Variants in BMP8B observed in about 807,000 individuals in gnomAD.
BMP8B encodes the protein bone morphogenetic protein 8b.
In BMP8B, 17 loss-of-function variants were observed where a neutral mutation model predicts 30.3. That is an observed-to-expected ratio of 0.56 (90% CI 0.38 to 0.84). The LOEUF (loss-of-function observed/expected upper bound fraction) is 0.84, where lower values mean the gene tolerates loss of function less well. Among genes scored for constraint, BMP8B ranks in the 40% least tolerant of loss-of-function variants. The probability of loss-of-function intolerance (pLI) is 0.00; values close to 1 mark genes in which losing one functional copy is unlikely to be tolerated. For missense variants in BMP8B, 253 were observed against 494.6 expected (o/e 0.51, Z 4.63); for synonymous variants, 131 against 214.7 (o/e 0.61, Z 3.41).
intron 1 of BMP8B, among the ~76,000 whole-genome samples, chr1:39,780,928 T>C (rs1650596820): frequency 6.6e-6 from 1 of 152,178 alleles, no homozygotes; most frequent in Admixed American, 6.5e-5. Context: ...TCCTTTGGCC[T>C]TGTTTGTCTC....
At chr1:39,778,055 G>A (rs1340484122) in intron 1 of BMP8B, among the ~76,000 whole-genome samples, 3 of 152,266 alleles carry the variant, frequency 2.0e-5, no homozygotes, top group Admixed American at 6.5e-5. Flanking sequence ...ACGGAGCCAC[G>A]TGGGTGGACA....
chr1:39,760,014 G>T lies in BMP8B; in HGVS notation c.*405C>A. On this transcript the variant is annotated 3_prime_UTR_variant, in exon 7 of 7. Transcript: ENST00000372827. ...CACACCCTGTGATGGATGGTGAAGA[G>T]CTCAAGGTGGCCAACAGTGGGCTCC... 1.7e-5 allele frequency: 4 copies of T among 236,938 alleles called. No homozygotes were observed. Among genetic ancestry groups the T allele is most frequent in the South Asian group, 1.3e-4 (2 of 15,700 alleles). 14.7% of individuals were successfully genotyped at this position (236,938 alleles called of 1,614,324 possible).
chr1:39,785,885 A>G (rs1650948863), intron 1 of BMP8B, among the ~76,000 whole-genome samples: 1 of 152,234 alleles, frequency 6.6e-6, no homozygotes, highest in South Asian at 2.1e-4. Context: ...TAGTGCAGTT[A>G]GCACAGCAGA....
intron 3 of BMP8B, chr1:39,770,125 G>C (rs1443596112): frequency 8.2e-7 from 1 of 1,216,394 alleles, no homozygotes; most frequent in Admixed American, 2.4e-5. Context: ...CGTCGCTGGC[G>C]AAGAAGCAGC....
intron 6 of BMP8B, chr1:39,762,473 G>A: frequency 6.5e-7 from 1 of 1,529,372 alleles, no homozygotes; most frequent in Non-Finnish European, 8.8e-7. Context: ...TCAACAGTGA[G>A]CAGCACCAGT....
intron 1 of BMP8B, among the ~76,000 whole-genome samples, chr1:39,783,060 G>A (rs781563238): frequency 2.6e-5 from 4 of 152,080 alleles, no homozygotes; most frequent in African/African-American, 7.2e-5. Flanking sequence ...ACACCTGGCC[G>A]GATACAGGCA....
intron 6 of BMP8B, chr1:39,762,744 T>C: frequency 7.2e-7 from 1 of 1,392,166 alleles, no homozygotes; most frequent in Non-Finnish European, 9.6e-7. Flanking sequence ...TGTGCTAAGA[T>C]CACACAGCCC....
rs369945946 is a variant in BMP8B at position 39,763,748 on chromosome 1, G to T, written c.912C>A (p.His304Gln). The change falls in exon 5 of 7, where the codon CAC (histidine) becomes CAA (glutamine). Residue 304 changes from histidine to glutamine, a missense_variant. Physicochemically the swap from His to Gln is conservative, Grantham distance 24 (BLOSUM62 0). Transcript: ENST00000372827. ...GGTCCTGGAAGCTGACGTAGAGCTC[G>T]TGCCGACGGCAGACCTGCCGGCCGT... Reference protein sequence around the residue: ...GSHGRQVCRRHELYVSFQDLG... With the variant: ...GSHGRQVCRRQELYVSFQDLG... 1.9e-6 allele frequency: 3 copies of T among 1,603,776 alleles called. No homozygotes were observed. In the African/African-American group the frequency reaches 4.1e-5, roughly 22 times the overall value.
chr1:39,770,851 GAGCTCC>G (rs1309795957), intron 3 of BMP8B: 26 of 787,632 alleles, frequency 3.3e-5, no homozygotes, highest in Non-Finnish European at 4.8e-5. Flanking sequence ...CCTGGGGCGT[GAGCTCC>G]AGCTCCAGCT....
intron 3 of BMP8B, chr1:39,770,299 G>A (rs750217503): frequency 3.2e-6 from 5 of 1,579,262 alleles, no homozygotes; most frequent in Admixed American, 1.7e-5. Context: ...GGATGCCTAT[G>A]CCCAGATTGG....
intron 1 of BMP8B, among the ~76,000 whole-genome samples, chr1:39,778,118 G>A (rs1024865630): frequency 1.3e-5 from 2 of 152,234 alleles, no homozygotes; most frequent in Non-Finnish European, 2.9e-5. Flanking sequence ...GCCCCAGAGC[G>A]GGGGTGCCCC....
chr1:39,760,305 G>A lies in BMP8B; in HGVS notation c.*114C>T. The A allele has an allele frequency of 1.3e-6, 2 of 1,495,466 alleles. No individual in the cohort carries two copies. Among genetic ancestry groups the A allele is most frequent in the Admixed American group, 1.9e-5 (1 of 53,436 alleles). 92.6% of individuals were successfully genotyped at this position (1,495,466 alleles called of 1,614,324 possible). A position where few individuals can be genotyped will look rare whatever the true frequency, so the allele number is the denominator to read the frequency against. On this transcript the variant is annotated 3_prime_UTR_variant, in exon 7 of 7. Transcript: ENST00000372827. ...AAAGGGTCATGTACGTGGTTGTGAG[G>A]GTCCTCCCTGGCAATGCCCCGGCCT...
chr1:39,763,548 A>C, intron 5 of BMP8B, 164 bp downstream of exon 5: 2 of 1,129,450 alleles, frequency 1.8e-6, no homozygotes, highest in South Asian at 3.5e-5. Context: ...ACAAAAAAAA[A>C]ACCCTTTCTC....
rs1389423164 is a variant in BMP8B at position 39,775,002 on chromosome 1, T to C, written c.371A>G (p.His124Arg). Residue 124 changes from histidine to arginine, a missense_variant, in exon 2 of 7, where the codon CAT becomes CGT. Transcript: ENST00000372827. The part of the protein sequence containing the change: ...RDRALGHQEP[H>R]WKEFRFDLTQ... ...CAGGTCAAAGCGGAACTCCTTCCAA[T>C]GGGGCTCCTGGTGGCCCAGGGCACG... The C allele has an allele frequency of 6.9e-6, 10 of 1,451,832 alleles. No individual in the cohort carries two copies. Among genetic ancestry groups the C allele is most frequent in the African/African-American group, 1.5e-5 (1 of 68,724 alleles). 89.9% of individuals were successfully genotyped at this position (1,451,832 alleles called of 1,614,324 possible). A position where few individuals can be genotyped will look rare whatever the true frequency, so the allele number is the denominator to read the frequency against.
chr1:39,787,633 T>C (rs1331995891), intron 1 of BMP8B, among the ~76,000 whole-genome samples: 1 of 151,998 alleles, frequency 6.6e-6, no homozygotes, highest in Non-Finnish European at 1.5e-5. Context: ...AGTTTGCTCC[T>C]TCCCCAGCCG....
chr1:39,780,852 C>T (rs898180998), intron 1 of BMP8B, among the ~76,000 whole-genome samples: 6 of 152,160 alleles, frequency 3.9e-5, no homozygotes, highest in African/African-American at 7.2e-5. Context: ...GCTGTGATCG[C>T]GCCACTGCAC....
intron 5 of BMP8B, 26 bp downstream of exon 5, chr1:39,763,686 C>G: frequency 1.9e-6 from 3 of 1,581,466 alleles, no homozygotes; most frequent in Non-Finnish European, 2.6e-6. Flanking sequence ...ATTGTCATTT[C>G]AGAAACAAGA....
intron 1 of BMP8B, among the ~76,000 whole-genome samples, chr1:39,785,753 C>G (rs1254014783): frequency 6.6e-6 from 1 of 152,198 alleles, no homozygotes; most frequent in African/African-American, 2.4e-5. Context: ...GAAGGGCCAC[C>G]AACCTCCAGG....
rs1651177803 is a variant in BMP8B, at chr1:39,788,595, G to A, written c.-110C>T. 1.1e-6 allele frequency: 1 copy of A among 951,290 alleles called. No individual in the cohort carries two copies. The highest frequency in any genetic ancestry group is 1.3e-6 in the Non-Finnish European group (1 of 799,334). The allele number at this position is 951,290 out of a possible 1,614,324, so 58.9% of individuals were successfully genotyped here. On this transcript the variant is annotated 5_prime_UTR_variant, in exon 1 of 7. Coordinates refer to ENST00000372827, the MANE Select transcript of BMP8B (RefSeq NM_001720.5). This position sits in a 1 kb window ranked among gnomAD's most constrained non-coding sequence, Gnocchi z 5.8. ...GCAAGGAGGCTGGGCTCGGCGGGCG[G>A]CGGGCGGCGGGGCGGGGCGGGACGG... is the stretch of plus-strand genomic sequence containing the variant.
Sources: gnomAD v4.1 joint callset for allele counts (sites outside exome capture counted in the v4.1 genomes callset) on GRCh38, gnomAD v4.1.1 for gene constraint, Gnocchi (gnomAD v3.1) non-coding constraint, MANE v1.5 for transcripts, NCBI Gene and HGNC (gene_info 2026-07-23, HGNC 2026-07-21) for gene names.